The following SAXO2 variants were observed in gnomAD, a reference collection of about 807,000 sequenced individuals.
SAXO2 encodes the protein stabilizer of axonemal microtubules 2, also known as family with sequence similarity 154, member B.
A neutral mutation model predicts 18.7 loss-of-function variants in SAXO2; 17 were observed. The observed-to-expected ratio is 0.91, with a 90% confidence interval of 0.62 to 1.36. The LOEUF (loss-of-function observed/expected upper bound fraction) is 1.36. SAXO2 is among the 40% of genes most tolerant of loss of function. SAXO2 has a pLI of 0.00. For synonymous variants in SAXO2, 163 were observed against 181.2 expected (o/e 0.90, Z 0.81); for missense variants, 486 against 562.6 (o/e 0.86, Z 1.38).
At chr15:82,278,856 TAATGAA>T (rs1280176680) in intron 3 of SAXO2, among the ~76,000 whole-genome samples, 1 of 152,168 alleles carries the variant, frequency 6.6e-6, no homozygotes. Flanking sequence ...ATTTTGAATT[TAATGAA>T]AATGAAAATA....
intron 2 of SAXO2, among the ~76,000 whole-genome samples, chr15:82,270,023 G>A (rs1415060385): frequency 2.0e-5 from 3 of 152,160 alleles, no homozygotes; most frequent in African/African-American, 7.2e-5. Flanking sequence ...GTTGATTTGG[G>A]ACGTATTAAG....
Position 82,282,495 on chromosome 15 carries a change from T to G in SAXO2, c.810T>G (p.Ala270=). 1 of 1,614,174 alleles carries G rather than the reference T, an allele frequency of 6.2e-7. No individual in the cohort carries two copies. The highest frequency in any genetic ancestry group is 8.5e-7 in the Non-Finnish European group (1 of 1,180,038). The change falls in exon 4 of 4, where the codon GCT becomes GCG. Residue 270 remains alanine, a synonymous_variant. Coordinates refer to ENST00000682753, the MANE Select transcript of SAXO2 (RefSeq NM_001348699.2). ...RPVHTRVTQN[A]LFEGSTEFRE... ...TACACACCAGAGTGACCCAGAATGCTCTGTTTGAAGGAAGCACTGAATTCC... is the reference window on the plus strand; with the variant it reads ...TACACACCAGAGTGACCCAGAATGCGCTGTTTGAAGGAAGCACTGAATTCC...
chr15:82,266,811 A>G (rs901539253), intron 2 of SAXO2, among the ~76,000 whole-genome samples: 3 of 152,228 alleles, frequency 2.0e-5, no homozygotes, highest in Admixed American at 2.0e-4. Context: ...AACTAAGTCT[A>G]TTGTTATCTC....
intron 3 of SAXO2, among the ~76,000 whole-genome samples, chr15:82,278,677 A>G (rs935390622): frequency 1.3e-5 from 2 of 152,220 alleles, no homozygotes; most frequent in African/African-American, 4.8e-5. Flanking sequence ...ACCTTAACAA[A>G]TATAAAAGAC....
At chr15:82,275,064 A>C (rs1338336417) in intron 3 of SAXO2, among the ~76,000 whole-genome samples, 1 of 151,836 alleles carries the variant, frequency 6.6e-6, no homozygotes, top group Non-Finnish European at 1.5e-5. Context: ...AAGCACAATC[A>C]AAAATCACAA....
chr15:82,274,738 A>G (rs907680126), intron 3 of SAXO2, among the ~76,000 whole-genome samples: 7 of 151,860 alleles, frequency 4.6e-5, no homozygotes, highest in Admixed American at 6.6e-5. Context: ...ATAAATAAAA[A>G]TAGAGACACA....
At chr15:82,264,368 A>ATTT (rs112443463) in intron 1 of SAXO2, among the ~76,000 whole-genome samples, 3 of 142,374 alleles carry the variant, frequency 2.1e-5, no homozygotes, top group Non-Finnish European at 4.6e-5. Flanking sequence ...GCCTGCATTG[A>ATTT]TTTTTTTTTT....
Position 82,282,123 on chromosome 15 carries a change from T to C in SAXO2, c.438T>C (p.Asp146=). 6.3e-7 allele frequency: 1 copy of C among 1,591,686 alleles called. No individual in the cohort carries two copies. The highest frequency in any genetic ancestry group is 8.5e-7 in the Non-Finnish European group (1 of 1,172,750). The part of the protein sequence containing the change: ...KLDTVPTYKD[D]YRAWDLHKSE... ...TGCTTTGTTTTAATTTTCAAGACGATTATAGAGCTTGGGACCTTCATAAAA... is the reference window on the plus strand; with the variant it reads ...TGCTTTGTTTTAATTTTCAAGACGACTATAGAGCTTGGGACCTTCATAAAA... Residue 146 remains aspartate (D), a synonymous_variant, in exon 4 of 4, where the codon GAT becomes GAC. Transcript: ENST00000682753.
chr15:82,272,084 AT>A (rs1370476335), intron 3 of SAXO2: 1 of 347,802 alleles, frequency 2.9e-6, no homozygotes, highest in East Asian at 5.2e-5. Context: ...TTAAAGAAGC[AT>A]TATGTCACAT....
chr15:82,263,984 A>G (rs2075174337), intron 1 of SAXO2, among the ~76,000 whole-genome samples: 1 of 152,050 alleles, frequency 6.6e-6, no homozygotes, highest in Admixed American at 6.5e-5. Flanking sequence ...AAGCAAAAAT[A>G]TCTATAATAT....
At chr15:82,265,514 C>A in intron 1 of SAXO2, 55 bp from the exon 2 acceptor site, 1 of 1,225,752 alleles carries the variant, frequency 8.2e-7, no homozygotes, top group Non-Finnish European at 1.0e-6. Context: ...GATTAAAACG[C>A]AGTTATAACA....
intron 2 of SAXO2, among the ~76,000 whole-genome samples, chr15:82,270,055 A>G (rs896671099): frequency 2.6e-5 from 4 of 152,206 alleles, no homozygotes; most frequent in Non-Finnish European, 5.9e-5. Context: ...CATCGAATCC[A>G]ATGGCATTGA....
At chr15:82,280,978 G>T (rs1236532857) in intron 3 of SAXO2, among the ~76,000 whole-genome samples, 1 of 152,260 alleles carries the variant, frequency 6.6e-6, no homozygotes, top group East Asian at 1.9e-4. Context: ...TGGCAGAAAT[G>T]GATACGCATT....
At chr15:82,263,040 A>T in intron 1 of SAXO2, 108 bp downstream of exon 1, 1 of 1,531,912 alleles carries the variant, frequency 6.5e-7, no homozygotes, top group East Asian at 2.5e-5. Flanking sequence ...TCCCCCGGAG[A>T]TGAAGGGACG....
chr15:82,281,067 C>A (rs2075358484), intron 3 of SAXO2, among the ~76,000 whole-genome samples: 2 of 152,122 alleles, frequency 1.3e-5, no homozygotes, highest in Non-Finnish European at 2.9e-5. Flanking sequence ...AGACTTTAGT[C>A]CAGATTTTAG....
intron 3 of SAXO2, among the ~76,000 whole-genome samples, chr15:82,280,421 T>C (rs2075352866): frequency 6.6e-6 from 1 of 152,170 alleles, no homozygotes; most frequent in Non-Finnish European, 1.5e-5. Flanking sequence ...TGATTCCTTT[T>C]AGCTAGTGAA....
intron 1 of SAXO2, among the ~76,000 whole-genome samples, chr15:82,264,244 G>C (rs1161917815): frequency 6.6e-6 from 1 of 151,628 alleles, no homozygotes; most frequent in African/African-American, 2.4e-5. Context: ...GCTAATTTTT[G>C]TATTTTTAGT....
Position 82,282,755 on chromosome 15 carries a change from A to G in SAXO2, c.1070A>G (p.Gln357Arg), listed in dbSNP as rs973254401. The G allele has an allele frequency of 1.2e-6, 2 of 1,614,118 alleles. No individual in the cohort carries two copies. The highest frequency in any genetic ancestry group is 1.7e-6 in the Non-Finnish European group (2 of 1,180,040). ...EDFPAWESCR[Q>R]GLIKKQQQIP... ...TTTCCAGCATGGGAAAGTTGTCGTC[A>G]AGGACTTATTAAGAAGCAGCAGCAG... The change falls in exon 4 of 4, where the codon CAA becomes CGA. Residue 357 changes from glutamine to arginine, a missense_variant. Gln to Arg is a conservative substitution (Grantham distance 43, BLOSUM62 1). Coordinates refer to ENST00000682753, the MANE Select transcript of SAXO2 (RefSeq NM_001348699.2).
chr15:82,283,230 T>G lies in SAXO2; in HGVS notation c.*168T>G, dbSNP rs940347153. ...GAAATCAGAATCTTAAAACCATTTT[T>G]TATTGATATTTTAATCAAGATTGTT... is the stretch of plus-strand genomic sequence containing the variant. On this transcript the variant is annotated 3_prime_UTR_variant, in exon 4 of 4. Coordinates refer to ENST00000682753, the MANE Select transcript of SAXO2 (RefSeq NM_001348699.2). The G allele has an allele frequency of 9.1e-6, 4 of 440,412 alleles. No individual in the cohort carries two copies. The highest frequency in any genetic ancestry group is 8.2e-5 in the African/African-American group (4 of 48,738). The allele number at this position is 440,412 out of a possible 1,614,324, so 27.3% of individuals were successfully genotyped here. A position where few individuals can be genotyped will look rare whatever the true frequency, so the allele number is the denominator to read the frequency against.
Sources: allele counts gnomAD v4.1 joint callset (sites outside exome capture counted in the v4.1 genomes callset), GRCh38; gene constraint gnomAD v4.1.1; transcripts MANE v1.5; gene names NCBI Gene and HGNC (gene_info 2026-07-23, HGNC 2026-07-21).